The following IKBKB-DT variants were observed in gnomAD, a reference collection of about 807,000 sequenced individuals.
The protein encoded by IKBKB-DT is IKBKB antisense RNA.
At chr8:42,253,932 G>A (rs931014780) in intron 3 of IKBKB-DT, among the ~76,000 whole-genome samples, 14 of 152,338 alleles carry the variant, frequency 9.2e-5, no homozygotes, top group Non-Finnish European at 1.6e-4. Context: ...AGGAGGTAAC[G>A]TGGAATGCTG....
chr8:42,247,511 A>C (rs1026708331), intron 3 of IKBKB-DT, among the ~76,000 whole-genome samples: 2 of 152,138 alleles, frequency 1.3e-5, no homozygotes, highest in African/African-American at 4.8e-5. Context: ...TACTGGAATG[A>C]ATTAAGACTC....
chr8:42,255,234 TTGTTTGTGATC>T (rs1807183341), intron 3 of IKBKB-DT: 1 of 152,262 alleles, frequency 6.6e-6, no homozygotes, highest in Non-Finnish European at 1.5e-5. Context: ...CGTGACAGCC[TTGTTTGTGATC>T]TTTTCTGTCT....
intron 3 of IKBKB-DT, among the ~76,000 whole-genome samples, chr8:42,262,007 C>G (rs1807295690): frequency 6.6e-6 from 1 of 152,164 alleles, no homozygotes; most frequent in South Asian, 2.1e-4. Flanking sequence ...AACAGGAAAG[C>G]AATAGCTGTC....
chr8:42,236,086 G>A (rs1806918231), intron 3 of IKBKB-DT, among the ~76,000 whole-genome samples: 1 of 151,262 alleles, frequency 6.6e-6, no homozygotes, highest in Non-Finnish European at 1.5e-5. Flanking sequence ...ATTATACAAG[G>A]ACATGTCATG....
chr8:42,258,593 C>G lies in IKBKB-DT; in HGVS notation n.1529+4736G>C, dbSNP rs190908311. ...ACGCCATTCTCCTGCCTCAGCCTCC[C>G]GAGTAGCTGGGACTACAGGCGCCCA... On this transcript the variant is annotated intron_variant and non_coding_transcript_variant, in intron 3 of 3. Transcript: ENST00000518213. Among the ~76,000 whole-genome samples the G allele has an allele frequency of 3.6e-3, 543 of 151,760 alleles. 8 individuals are homozygous for G. Among genetic ancestry groups the G allele is most frequent in the East Asian group, 2.9e-3 (15 of 5,132 alleles).
chr8:42,263,881 G>A (rs951956053), intron 2 of IKBKB-DT, among the ~76,000 whole-genome samples: 10 of 152,236 alleles, frequency 6.6e-5, no homozygotes, highest in Admixed American at 2.0e-4. Context: ...GCACGATTTT[G>A]GCTCACTGCA....
intron 3 of IKBKB-DT, among the ~76,000 whole-genome samples, chr8:42,256,188 T>C (rs923170271): frequency 6.6e-6 from 1 of 152,062 alleles, no homozygotes; most frequent in Non-Finnish European, 1.5e-5. Context: ...ACCTGATTGC[T>C]GTAAATTTTA....
chr8:42,243,157 T>C (rs1807024557), intron 3 of IKBKB-DT, among the ~76,000 whole-genome samples: 1 of 152,184 alleles, frequency 6.6e-6, no homozygotes, highest in Non-Finnish European at 1.5e-5. Flanking sequence ...GGCATTTTCA[T>C]GGCAGAAATG....
chr8:42,261,235 G>A (rs1466534445), intron 3 of IKBKB-DT, among the ~76,000 whole-genome samples: 2 of 152,036 alleles, frequency 1.3e-5, no homozygotes, highest in Non-Finnish European at 2.9e-5. Context: ...GCTGAGATGG[G>A]AGGATTGCTT....
chr8:42,270,192 T>C (rs1176846549), intron 1 of IKBKB-DT, among the ~76,000 whole-genome samples: 3 of 152,064 alleles, frequency 2.0e-5, no homozygotes, highest in Non-Finnish European at 4.4e-5. Context: ...CCATGTACCT[T>C]GGAAATAATA....
intron 3 of IKBKB-DT, among the ~76,000 whole-genome samples, chr8:42,254,670 G>T (rs1183912126): frequency 6.7e-6 from 1 of 149,148 alleles, no homozygotes; most frequent in African/African-American, 2.5e-5. Context: ...TGTCTGGGAA[G>T]TGATGAGGGC....
At chr8:42,237,868 C>T (rs1382925234) in intron 3 of IKBKB-DT, among the ~76,000 whole-genome samples, 1 of 151,434 alleles carries the variant, frequency 6.6e-6, no homozygotes, top group Non-Finnish European at 1.5e-5. Flanking sequence ...CACAAAAAAT[C>T]AACAAAATTA....
intron 3 of IKBKB-DT, among the ~76,000 whole-genome samples, chr8:42,245,732 T>C (rs1459013482): frequency 6.6e-6 from 1 of 152,090 alleles, no homozygotes; most frequent in Non-Finnish European, 1.5e-5. Context: ...ACCCGGAAAA[T>C]GTACTGAAAA....
At chr8:42,236,936 T>G (rs1340592820) in intron 3 of IKBKB-DT, among the ~76,000 whole-genome samples, 2 of 151,254 alleles carry the variant, frequency 1.3e-5, no homozygotes, top group Non-Finnish European at 2.9e-5. Context: ...CCCAGGCCGG[T>G]CTTGAGCTCT....
intron 3 of IKBKB-DT, among the ~76,000 whole-genome samples, chr8:42,243,712 C>A (rs1251669251): frequency 6.6e-6 from 1 of 152,150 alleles, no homozygotes; most frequent in African/African-American, 2.4e-5. Flanking sequence ...TCACAGGAAC[C>A]CAGTTTGTAA....
intron 3 of IKBKB-DT, among the ~76,000 whole-genome samples, chr8:42,234,541 C>T (rs1585457291): frequency 6.6e-6 from 1 of 152,264 alleles, no homozygotes; most frequent in South Asian, 2.1e-4. Flanking sequence ...ACTGCATTTG[C>T]CTGTAGCCTC....
intron 3 of IKBKB-DT, among the ~76,000 whole-genome samples, chr8:42,245,053 T>A (rs1223434241): frequency 1.3e-5 from 2 of 151,238 alleles, no homozygotes; most frequent in African/African-American, 4.9e-5. Flanking sequence ...ATTGAGACCA[T>A]CCTGGTCAAC....
intron 1 of IKBKB-DT, among the ~76,000 whole-genome samples, chr8:42,269,036 C>T (rs1201203330): frequency 3.3e-5 from 5 of 151,920 alleles, no homozygotes; most frequent in Non-Finnish European, 7.4e-5. Flanking sequence ...AATACCAGGC[C>T]AGAAGCGGTG....
chr8:42,264,737 T>A (rs1184444439), intron 2 of IKBKB-DT, among the ~76,000 whole-genome samples: 1 of 152,016 alleles, frequency 6.6e-6, no homozygotes, highest in Non-Finnish European at 1.5e-5. Context: ...TTTTGTATTT[T>A]TAGTAGAGAC....
Sources: gnomAD v4.1 joint callset for allele counts (sites outside exome capture counted in the v4.1 genomes callset) on GRCh38, gnomAD v4.1.1 for gene constraint, MANE v1.5 for transcripts, NCBI Gene and HGNC (gene_info 2026-07-23, HGNC 2026-07-21) for gene names.